Variants in ABCG1 observed in about 807,000 individuals in gnomAD.
ABCG1 encodes ATP-binding cassette sub-family G member 1.
In ABCG1, 29 loss-of-function variants were observed where a neutral mutation model predicts 69.2. That is an observed-to-expected ratio of 0.42 (90% confidence interval 0.31 to 0.57). The LOEUF (loss-of-function observed/expected upper bound fraction) is 0.57. Ranked by LOEUF, ABCG1 falls within the 20% of genes least tolerant of loss-of-function variation. The pLI is 0.15. For synonymous variants in ABCG1, 370 were observed against 374.8 expected, an observed-to-expected ratio of 0.99 and a Z score of 0.15; for missense variants, 718 against 898.1, an observed-to-expected ratio of 0.80 and a Z score of 2.56.
intron 1 of ABCG1, 114 bp from the exon 2 acceptor site, chr21:42,225,557 G>A (rs2067801805): frequency 7.4e-7 from 1 of 1,349,798 alleles, no homozygotes; most frequent in Non-Finnish European, 1.0e-6. Flanking sequence ...TCCTGCAGTG[G>A]AAGAAGTGTT....
At chr21:42,221,766 T>G (rs1329137278) in intron 1 of ABCG1, among the ~76,000 whole-genome samples, 1 of 152,236 alleles carries the variant, frequency 6.6e-6, no homozygotes, top group East Asian at 1.9e-4. Flanking sequence ...TGCTGCTGAC[T>G]GGCTCCTCCT....
chr21:42,279,903 T>A (rs2068776945), intron 5 of ABCG1, among the ~76,000 whole-genome samples: 1 of 152,186 alleles, frequency 6.6e-6, no homozygotes, highest in African/African-American at 2.4e-5. Flanking sequence ...GTGTGTGTCC[T>A]CGTGGTGCCT....
Position 42,219,456 on chromosome 21 carries a change from C to A in ABCG1, c.42+152C>A. 8.6e-7 allele frequency: 1 copy of A among 1,158,854 alleles called. No individual in the cohort carries two copies. The highest frequency in any genetic ancestry group is 1.2e-6 in the Non-Finnish European group (1 of 854,546). The allele number at this position is 1,158,854 out of a possible 1,614,324, so 71.8% of individuals were successfully genotyped here. A position where few individuals can be genotyped will look rare whatever the true frequency, so the allele number is the denominator to read the frequency against. The stretch of plus-strand genomic sequence containing the variant: ...GGCACCCTAGAGTGGCGCCCGGCTC[C>A]GATCGCTGCCCCTGCCCCTCCGCCA... On this transcript the variant is annotated intron_variant, in intron 1 of 14. Coordinates refer to ENST00000398449, the MANE Select transcript of ABCG1 (RefSeq NM_016818.3). The surrounding 1 kb of genome is among the most constrained non-coding windows in gnomAD (Gnocchi z 5.3).
chr21:42,234,423 C>G (rs181863190), intron 2 of ABCG1, among the ~76,000 whole-genome samples: 2 of 152,232 alleles, frequency 1.3e-5, no homozygotes, highest in Non-Finnish European at 2.9e-5. Context: ...GGCACGTGTT[C>G]CGGGAATTCT....
At chr21:42,236,240 C>T (rs965128609) in intron 2 of ABCG1, among the ~76,000 whole-genome samples, 14 of 152,234 alleles carry the variant, frequency 9.2e-5, no homozygotes, top group African/African-American at 3.4e-4. Flanking sequence ...GGCTGCCTGC[C>T]GAGTCACTTC....
intron 1 of ABCG1, chr21:42,221,275 G>A (rs770371818): frequency 1.3e-5 from 2 of 152,136 alleles, no homozygotes; most frequent in Non-Finnish European, 2.9e-5. Context: ...GGAATTCTGG[G>A]GGCTGTAGGG....
At chr21:42,258,403 A>C (rs2068346017) in intron 2 of ABCG1, among the ~76,000 whole-genome samples, 2 of 128,384 alleles carry the variant, frequency 1.6e-5, no homozygotes, top group African/African-American at 3.1e-5. Context: ...CCTTCCCTCC[A>C]TCCCACCTTC....
Position 42,294,541 on chromosome 21 carries a change from G to C in ABCG1, c.1654-1G>C, listed in dbSNP as rs1203425200. ...TCTGTCCTGTGTGCCCCCAACTCCA[G>C]GTGGCCACTTTCGTGGGCCCAGTGA... On this transcript the variant is annotated splice_acceptor_variant, in intron 13 of 14. Coordinates refer to ENST00000398449, the MANE Select transcript of ABCG1 (RefSeq NM_016818.3). LOFTEE classifies it high-confidence loss of function. 6.2e-7 allele frequency: 1 copy of C among 1,613,210 alleles called. No individual in the cohort carries two copies. Among genetic ancestry groups the C allele is most frequent in the Non-Finnish European group, 8.5e-7 (1 of 1,179,164 alleles).
rs773623948 is a variant in ABCG1 at position 42,296,314 on chromosome 21, C to T, written c.1923C>T (p.Ile641=). 13 of 1,614,184 alleles carry T rather than the reference C, an allele frequency of 8.1e-6. No individual in the cohort carries two copies. The highest frequency in any genetic ancestry group is 5.5e-5 in the South Asian group (5 of 91,080). Residue 641 remains isoleucine (I), a synonymous_variant, in exon 15 of 15, where the codon ATC becomes ATT. Coordinates refer to ENST00000398449, the MANE Select transcript of ABCG1 (RefSeq NM_016818.3). The surrounding 1 kb of genome is among the most constrained non-coding windows in gnomAD (Gnocchi z 5.4). ...VENAKLYLDF[I]VLGIFFISLR... is the part of the protein sequence containing the mutation. ...ATGCCAAGCTGTACCTGGACTTCAT[C>T]GTACTCGGGATTTTCTTCATCTCCC...
chr21:42,205,441 A>C (rs960231054), intron 2 of ABCG1, among the ~76,000 whole-genome samples: 7 of 152,212 alleles, frequency 4.6e-5, no homozygotes, highest in Admixed American at 4.6e-4. Flanking sequence ...TCTACTAAAA[A>C]TACAAAAATT....
At chr21:42,286,136 A>G (rs2068936395) in intron 8 of ABCG1, 142 bp downstream of exon 8, 2 of 633,768 alleles carry the variant, frequency 3.2e-6, no homozygotes, top group Non-Finnish European at 5.6e-6. Context: ...AAAACGTTTA[A>G]AGAACAAAAA....
intron 4 of ABCG1, among the ~76,000 whole-genome samples, chr21:42,274,779 A>AT (rs35280343): frequency 3.2e-4 from 47 of 148,776 alleles, no homozygotes; most frequent in Middle Eastern, 3.5e-3. Flanking sequence ...GGCAGGGGCC[A>AT]TTTTTTTTTT....
chr21:42,281,838 T>C (rs2068815104), intron 5 of ABCG1, among the ~76,000 whole-genome samples: 1 of 152,222 alleles, frequency 6.6e-6, no homozygotes, highest in Non-Finnish European at 1.5e-5. Context: ...CTCCCCTTCG[T>C]TCTGGGCAGA....
Position 42,287,842 on chromosome 21 carries a change from G to A in ABCG1, c.974-47G>A, listed in dbSNP as rs138071737. 11,202 of 1,510,796 alleles carry A rather than the reference G, an allele frequency of 7.4e-3. 70 individuals are homozygous for A. The highest frequency in any genetic ancestry group is 0.017 in the Middle Eastern group (92 of 5,542). The allele number at this position is 1,510,796 out of a possible 1,614,324, so 93.6% of individuals were successfully genotyped here. On this transcript the variant is annotated intron_variant, in intron 8 of 14. Coordinates refer to ENST00000398449, the MANE Select transcript of ABCG1 (RefSeq NM_016818.3). This position sits in a 1 kb window ranked among gnomAD's most constrained non-coding sequence, Gnocchi z 6.2. ...CGACTTTCGCATTTGGGTGGTTGGG[G>A]TGTCCTTCCTGGAGCCCGGGCTGAC... is the stretch of plus-strand genomic sequence containing the variant.
upstream of ABCG1, among the ~76,000 whole-genome samples, chr21:42,212,331 G>A (rs1029860056): frequency 1.3e-5 from 2 of 152,136 alleles, no homozygotes; most frequent in African/African-American, 4.8e-5. Flanking sequence ...AAAAGGCCTG[G>A]ACTGCCAAGA....
chr21:42,245,462 A>G (rs534252579), intron 2 of ABCG1, among the ~76,000 whole-genome samples: 21 of 152,344 alleles, frequency 1.4e-4, no homozygotes, highest in African/African-American at 4.8e-4. Context: ...CCCAAACAAC[A>G]TCTTAACCCC....
intron 2 of ABCG1, among the ~76,000 whole-genome samples, chr21:42,267,164 C>T (rs1034879950): frequency 1.3e-5 from 2 of 152,228 alleles, no homozygotes; most frequent in African/African-American, 4.8e-5. Context: ...TGGAGCCTTC[C>T]TCCCACCCAG....
chr21:42,265,299 A>G (rs182781887), intron 2 of ABCG1, among the ~76,000 whole-genome samples: 35 of 152,228 alleles, frequency 2.3e-4, no homozygotes, highest in Middle Eastern at 6.8e-3. Flanking sequence ...CATCCCCCAA[A>G]TAGATATGTT....
At chr21:42,226,465 G>T (rs895659930) in intron 2 of ABCG1, among the ~76,000 whole-genome samples, 2 of 152,210 alleles carry the variant, frequency 1.3e-5, no homozygotes, top group Admixed American at 1.3e-4. Context: ...AAACAGAGAG[G>T]ATAGAGCTCA....
Sources: allele counts gnomAD v4.1 joint callset (sites outside exome capture counted in the v4.1 genomes callset), GRCh38; gene constraint gnomAD v4.1.1; non-coding constraint Gnocchi (gnomAD v3.1); transcripts MANE v1.5; gene names NCBI Gene and HGNC (gene_info 2026-07-23, HGNC 2026-07-21).